The following ALKAL2 variants were observed in gnomAD, a reference collection of about 807,000 sequenced individuals.
The protein encoded by ALKAL2 is ALK and LTK ligand 2.
Under a neutral mutation model 18.5 loss-of-function variants are expected in ALKAL2, and 8 were observed. That is an observed-to-expected ratio of 0.43 (90% CI 0.25 to 0.78). The LOEUF (loss-of-function observed/expected upper bound fraction) is 0.78. Among genes scored for constraint, ALKAL2 ranks in the 30% least tolerant of loss-of-function variants. ALKAL2 has a pLI of 0.22. For missense variants in ALKAL2, 241 were observed against 211.2 expected, an observed-to-expected ratio of 1.14 and a Z score of -0.88; for synonymous variants, 135 against 95.8, an observed-to-expected ratio of 1.41 and a Z score of -2.39.
Position 287,826 on chromosome 2 carries a change from G to C in ALKAL2, c.10C>G (p.Pro4Ala). 7.6e-7 allele frequency: 1 copy of C among 1,319,542 alleles called. No homozygotes were observed. The highest frequency in any genetic ancestry group is 2.9e-4 in the Middle Eastern group (1 of 3,498). 81.7% of individuals were successfully genotyped at this position (1,319,542 alleles called of 1,614,324 possible). ...AGCCCCAGGAGGAGGGGGTGCCCGGGTCCGCGCATCGTGCGCTCGGGGCCG... is the reference window on the plus strand; with the variant it reads ...AGCCCCAGGAGGAGGGGGTGCCCGGCTCCGCGCATCGTGCGCTCGGGGCCG... MRG[P>A]GHPLLLGLLL... The change falls in exon 2 of 6, where the codon CCC (proline) becomes GCC (alanine). Residue 4 changes from proline (P) to alanine (A), a missense_variant. Transcript: ENST00000403610.
rs912415287 is a variant in ALKAL2 at position 287,763 on chromosome 2, C to G, written c.73G>C (p.Gly25Arg). 3.5e-6 allele frequency: 5 copies of G among 1,433,152 alleles called. No individual in the cohort carries two copies. The highest frequency in any genetic ancestry group is 4.6e-6 in the Non-Finnish European group (5 of 1,097,968). The allele number at this position is 1,433,152 out of a possible 1,614,324, so 88.8% of individuals were successfully genotyped here. The change falls in exon 2 of 6, where the codon GGC becomes CGC. Residue 25 changes from glycine (G) to arginine (R), a missense_variant. Transcript: ENST00000403610. ...VLGAAGRGRG[G>R]AEPREPADGQ... is the part of the protein sequence containing the mutation. ...TCCGCCGGCTCCCGGGGCTCCGCGC[C>G]CCCCCGGCCGCGCCCCGCCGCCCCC...
Position 283,171 on chromosome 2 carries a change from A to G in ALKAL2, c.393T>C (p.Tyr131=), listed in dbSNP as rs775186424. ...GGGTAAGAAGCCTGGCGCATCTTTT[A>G]TAGTCTACGGTGAAAATATATCAGA... ...NTRDCTIPAY[Y]KRCARLLTRL... is the part of the protein sequence containing the mutation. Residue 131 remains tyrosine (Y), a synonymous_variant, in exon 5 of 6, where the codon TAT becomes TAC. Transcript: ENST00000403610. 25 of 1,612,800 alleles carry G rather than the reference A, an allele frequency of 1.6e-5. No individual in the cohort carries two copies. Among genetic ancestry groups the G allele is most frequent in the Non-Finnish European group, 1.9e-5 (22 of 1,179,528 alleles).
chr2:280,338 C>T (rs184724641), intron 5 of ALKAL2, among the ~76,000 whole-genome samples, 186 bp from the exon 6 acceptor site: 27 of 152,296 alleles, frequency 1.8e-4, no homozygotes, highest in Admixed American at 1.5e-3. Context: ...CTTCTTTCTG[C>T]AGTTGTTACA....
Position 279,978 on chromosome 2 carries a change from A to G in ALKAL2, c.*169T>C, listed in dbSNP as rs1220411680. On this transcript the variant is annotated 3_prime_UTR_variant, in exon 6 of 6. Transcript: ENST00000403610. ...AAGTACACTGATTTATCGAATATAT[A>G]TCTGCAAACTGTCAACAACATACAA... The G allele has an allele frequency of 7.1e-6, 5 of 708,488 alleles. No homozygotes were observed. Among genetic ancestry groups the G allele is most frequent in the Non-Finnish European group, 7.6e-6 (3 of 393,354 alleles). The allele number at this position is 708,488 out of a possible 1,614,324, so 43.9% of individuals were successfully genotyped here. A position where few individuals can be genotyped will look rare whatever the true frequency, so the allele number is the denominator to read the frequency against.
chr2:287,389 A>C, intron 2 of ALKAL2, 194 bp downstream of exon 2: 1 of 431,980 alleles, frequency 2.3e-6, no homozygotes. Flanking sequence ...CCAGAAGGAG[A>C]CCAGGCGCTT....
intron 1 of ALKAL2, 47 bp from the exon 2 acceptor site, chr2:287,939 A>T: frequency 6.4e-5 from 45 of 704,772 alleles, no homozygotes; most frequent in East Asian, 2.9e-4. Context: ...TCAGCGGGGG[A>T]GGGGGACGGA....
intron 5 of ALKAL2, 41 bp from the exon 6 acceptor site, chr2:280,193 T>C: frequency 6.2e-7 from 1 of 1,612,874 alleles, no homozygotes; most frequent in Non-Finnish European, 8.5e-7. Flanking sequence ...CTATCCACAC[T>C]TCTTAATGTC....
chr2:286,039 G>A lies in ALKAL2; in HGVS notation c.388+84C>T, dbSNP rs181960501. The A allele has an allele frequency of 5.7e-3, 6,915 of 1,203,502 alleles. 31 individuals are homozygous for A. Among genetic ancestry groups the A allele is most frequent in the Non-Finnish European group, 7.1e-3 (5,952 of 833,802 alleles). 74.6% of individuals were successfully genotyped at this position (1,203,502 alleles called of 1,614,324 possible). ...TAGGCAAATTTGAGCTAAGAAGGCA[G>A]GGGCCTATATGAGGAAATGGAAAGA... On this transcript the variant is annotated intron_variant, in intron 4 of 5. Transcript: ENST00000403610.
chr2:286,400 T>C, intron 2 of ALKAL2, 57 bp from the exon 3 acceptor site: 2 of 1,341,864 alleles, frequency 1.5e-6, no homozygotes, highest in Non-Finnish European at 2.1e-6. Flanking sequence ...TTTAAAAATG[T>C]GATCTTAAGT....
chr2:280,046 C>A lies in ALKAL2; in HGVS notation c.*101G>T, dbSNP rs867103687. The A allele has an allele frequency of 2.2e-6, 3 of 1,347,880 alleles. No individual in the cohort carries two copies. The African/African-American group carries it at 4.3e-5, about 19-fold the overall frequency. 83.5% of individuals were successfully genotyped at this position (1,347,880 alleles called of 1,614,324 possible). On this transcript the variant is annotated 3_prime_UTR_variant, in exon 6 of 6. Coordinates refer to ENST00000403610, the MANE Select transcript of ALKAL2 (RefSeq NM_001002919.3). The stretch of plus-strand genomic sequence containing the variant: ...GAAGAGTCTGTCTGCAAAAATAAAT[C>A]TCTTGTCCATGAGGGGATGTGTATA...
Position 279,942 on chromosome 2 carries a change from A to G in ALKAL2, c.*205T>C, listed in dbSNP as rs1670282223. The G allele has an allele frequency of 7.4e-6, 4 of 543,014 alleles. No individual in the cohort carries two copies. The highest frequency in any genetic ancestry group is 1.3e-5 in the Non-Finnish European group (4 of 299,980). The allele number at this position is 543,014 out of a possible 1,614,324, so 33.6% of individuals were successfully genotyped here. On this transcript the variant is annotated 3_prime_UTR_variant, in exon 6 of 6. Transcript: ENST00000403610. ...TGTTTTTTTTTTAAATAAGTGACAG[A>G]TAACACTGTCAAGTACACTGATTTA...
chr2:285,710 G>A (rs924640613), intron 4 of ALKAL2, among the ~76,000 whole-genome samples: 12 of 152,158 alleles, frequency 7.9e-5, no homozygotes, highest in Admixed American at 7.9e-4. Flanking sequence ...GGGTGATGAG[G>A]TTATAATTAC....
In ALKAL2 at chr2:287,603, G is replaced by C. The variant is rs746898147; in HGVS notation, c.233C>G (p.Pro78Arg). ...LGRAEAAGLG[P>R]SPEQRVEIVP... ...CTCACCCACTCGCTGCTCCGGCGAA[G>C]GCCCCAGCCCCGCCGCCTCCGCGCG... is the stretch of plus-strand genomic sequence containing the variant. Residue 78 changes from proline (P) to arginine (R), a missense_variant, in exon 2 of 6, where the codon CCT (proline) becomes CGT (arginine). Physicochemically the swap from Pro to Arg is moderately radical, Grantham distance 103 (BLOSUM62 -2). Transcript: ENST00000403610. The C allele has an allele frequency of 6.8e-7, 1 of 1,468,684 alleles. No homozygotes were observed. The highest frequency in any genetic ancestry group is 9.0e-7 in the Non-Finnish European group (1 of 1,116,128). The allele number at this position is 1,468,684 out of a possible 1,614,324, so 91.0% of individuals were successfully genotyped here.
Position 279,892 on chromosome 2 carries a change from C to T in ALKAL2, c.*255G>A, listed in dbSNP as rs977299518. 2.7e-5 allele frequency: 13 copies of T among 478,798 alleles called. No individual in the cohort carries two copies. The highest frequency in any genetic ancestry group is 4.1e-5 in the South Asian group (1 of 24,448). The allele number at this position is 478,798 out of a possible 1,614,324, so 29.7% of individuals were successfully genotyped here. ...ATATTCTGTGTTTTATAGCACTACA[C>T]GTCAAATGTGGAGCATTCCTTTTGT... On this transcript the variant is annotated 3_prime_UTR_variant, in exon 6 of 6. Coordinates refer to ENST00000403610, the MANE Select transcript of ALKAL2 (RefSeq NM_001002919.3).
intron 5 of ALKAL2, among the ~76,000 whole-genome samples, chr2:280,473 C>T (rs890514099): frequency 3.3e-5 from 5 of 152,198 alleles, no homozygotes; most frequent in Non-Finnish European, 5.9e-5. Context: ...CAGGGATTAA[C>T]CTGGCAGTTC....
chr2:281,743 T>C (rs1670361692), intron 5 of ALKAL2, among the ~76,000 whole-genome samples: 1 of 151,398 alleles, frequency 6.6e-6, no homozygotes, highest in Non-Finnish European at 1.5e-5. Flanking sequence ...TCCAAGGATG[T>C]CCCTGGCCCA....
Position 279,815 on chromosome 2 carries a change from T to A in ALKAL2, c.*332A>T. 3.4e-6 allele frequency: 1 copy of A among 291,010 alleles called. No individual in the cohort carries two copies. The highest frequency in any genetic ancestry group is 5.8e-5 in the East Asian group (1 of 17,308). 18.0% of individuals were successfully genotyped at this position (291,010 alleles called of 1,614,324 possible). ...ATGAAAATATACTTTAAGATTCTGC[T>A]TATGTTTCTAAAGAAATATTTTTTG... On this transcript the variant is annotated 3_prime_UTR_variant, in exon 6 of 6. Coordinates refer to ENST00000403610, the MANE Select transcript of ALKAL2 (RefSeq NM_001002919.3).
rs1670284973 is a variant in ALKAL2, at chr2:280,031, T to A, written c.*116A>T. 1 of 1,170,850 alleles carries A rather than the reference T, an allele frequency of 8.5e-7. No homozygotes were observed. The highest frequency in any genetic ancestry group is 1.3e-6 in the Non-Finnish European group (1 of 779,276). The allele number at this position is 1,170,850 out of a possible 1,614,324, so 72.5% of individuals were successfully genotyped here. ...CTCAAAGGACTTATGGAAGAGTCTGTCTGCAAAAATAAATCTCTTGTCCAT... is the reference window on the plus strand; with the variant it reads ...CTCAAAGGACTTATGGAAGAGTCTGACTGCAAAAATAAATCTCTTGTCCAT... On this transcript the variant is annotated 3_prime_UTR_variant, in exon 6 of 6. Coordinates refer to ENST00000403610, the MANE Select transcript of ALKAL2 (RefSeq NM_001002919.3).
intron 4 of ALKAL2, 51 bp from the exon 5 acceptor site, chr2:283,226 A>G (rs1670409626): frequency 6.9e-6 from 10 of 1,457,218 alleles, no homozygotes; most frequent in South Asian, 1.2e-5. Context: ...AAACAAATAA[A>G]TCGCATTTTT....
Sources: allele counts gnomAD v4.1 joint callset (sites outside exome capture counted in the v4.1 genomes callset), GRCh38; gene constraint gnomAD v4.1.1; transcripts MANE v1.5; gene names NCBI Gene and HGNC (gene_info 2026-07-23, HGNC 2026-07-21).